CAMK2A: variants seen among roughly 807,000 people sequenced by gnomAD.
CAMK2A encodes calcium/calmodulin dependent protein kinase II alpha.
CAMK2A carries 7 observed loss-of-function variants against 79.2 expected under a neutral mutation model. That is an observed-to-expected ratio of 0.09 (90% confidence interval 0.05 to 0.17). The LOEUF is 0.17. Ranked by LOEUF, CAMK2A falls within the 10% of genes least tolerant of loss-of-function variation. The probability of loss-of-function intolerance (pLI) is 1.00; values close to 1 mark genes in which losing one functional copy is unlikely to be tolerated. For missense variants in CAMK2A, 214 were observed against 646.4 expected (o/e 0.33, Z 7.25); for synonymous variants, 242 against 251.7 (o/e 0.96, Z 0.36).
At chr5:150,225,605 A>C (rs1271258464) in intron 17 of CAMK2A, among the ~76,000 whole-genome samples, 1 of 152,140 alleles carries the variant, frequency 6.6e-6, no homozygotes, top group African/African-American at 2.4e-5. Flanking sequence ...TGGGGATTGT[A>C]AGTTCACACT....
At chr5:150,273,455 G>A (rs1404736800) in intron 1 of CAMK2A, among the ~76,000 whole-genome samples, 2 of 152,198 alleles carry the variant, frequency 1.3e-5, no homozygotes, top group East Asian at 1.9e-4. Context: ...TGTTAGAACC[G>A]TGGAATCCAG....
Position 150,289,677 on chromosome 5 carries a change from G to GC in CAMK2A, c.-53dup. On this transcript the variant is annotated 5_prime_UTR_variant, in exon 1 of 19. Transcript: ENST00000671881. ...TTGGGACTGGGGGACCAGGACTGAG[G>GC]CGCTGCTGCTCTGCTCCCGAACCTA... The GC allele has an allele frequency of 6.8e-7, 1 of 1,474,040 alleles. No individual in the cohort carries two copies. Among genetic ancestry groups the GC allele is most frequent in the South Asian group, 1.1e-5 (1 of 87,864 alleles). The allele number at this position is 1,474,040 out of a possible 1,614,324, so 91.3% of individuals were successfully genotyped here.
intron 7 of CAMK2A, among the ~76,000 whole-genome samples, chr5:150,253,243 C>A (rs1281225895): frequency 6.6e-6 from 1 of 152,174 alleles, no homozygotes; most frequent in Admixed American, 6.5e-5. Context: ...CCGTAGGGTC[C>A]CATGCCTGAA....
chr5:150,276,969 C>T (rs577155331), intron 1 of CAMK2A, among the ~76,000 whole-genome samples: 1 of 152,302 alleles, frequency 6.6e-6, no homozygotes, highest in East Asian at 1.9e-4. Context: ...ATGGCTCACG[C>T]CCGCAATCCC....
chr5:150,249,017 C>T (rs1755708345), intron 11 of CAMK2A, among the ~76,000 whole-genome samples: 1 of 152,204 alleles, frequency 6.6e-6, no homozygotes, highest in Non-Finnish European at 1.5e-5. Context: ...TCCTCTGTGA[C>T]ACAGCTTCCA....
intron 13 of CAMK2A, among the ~76,000 whole-genome samples, chr5:150,240,768 C>T (rs144274448): frequency 2.8e-3 from 426 of 152,320 alleles, no homozygotes; most frequent in Non-Finnish European, 4.7e-3. Flanking sequence ...CCAGGCCCTG[C>T]GTTCAGGCTC....
At chr5:150,253,032 T>C (rs1024542527) in intron 7 of CAMK2A, among the ~76,000 whole-genome samples, 1 of 152,242 alleles carries the variant, frequency 6.6e-6, no homozygotes, top group East Asian at 1.9e-4. Context: ...TTTTAAACTT[T>C]CTTGACCTTC....
At chr5:150,225,288 A>C (rs746790682) in intron 17 of CAMK2A, among the ~76,000 whole-genome samples, 3 of 152,116 alleles carry the variant, frequency 2.0e-5, no homozygotes, top group Non-Finnish European at 4.4e-5. Context: ...GTGTCTTTTG[A>C]AAAGATAGGT....
At chr5:150,270,382 A>G (rs1482203273) in intron 2 of CAMK2A, among the ~76,000 whole-genome samples, 1 of 152,202 alleles carries the variant, frequency 6.6e-6, no homozygotes, top group Non-Finnish European at 1.5e-5. Context: ...TACTACGAAC[A>G]TTTTTTAAAA....
intron 15 of CAMK2A, among the ~76,000 whole-genome samples, chr5:150,234,141 T>C (rs767615275): frequency 6.6e-6 from 1 of 152,166 alleles, no homozygotes; most frequent in Non-Finnish European, 1.5e-5. Context: ...CACTCCCACA[T>C]GGAATCAGGG....
intron 1 of CAMK2A, among the ~76,000 whole-genome samples, chr5:150,287,337 A>G (rs537026086): frequency 3.3e-4 from 50 of 152,312 alleles, no homozygotes; most frequent in Middle Eastern, 3.4e-3. Flanking sequence ...TTAGACTTTC[A>G]TCAGATTCCT....
chr5:150,248,177 C>T (rs1344007385), intron 11 of CAMK2A, among the ~76,000 whole-genome samples: 1 of 152,100 alleles, frequency 6.6e-6, no homozygotes, highest in Non-Finnish European at 1.5e-5. Flanking sequence ...CAACAGCAGA[C>T]CTCGTGTCCC....
At chr5:150,282,640 G>A (rs1439982979) in intron 1 of CAMK2A, among the ~76,000 whole-genome samples, 3 of 152,226 alleles carry the variant, frequency 2.0e-5, no homozygotes, top group Admixed American at 6.5e-5. Context: ...CATGGGCAAC[G>A]CCCTCACCCT....
rs765165346 is a variant in CAMK2A at position 150,245,189 on chromosome 5, C to T, written c.956G>A (p.Gly319Glu). Residue 319 changes from glycine to glutamate, a missense_variant, in exon 13 of 19, where the codon GGG becomes GAG. Gly to Glu is a moderately conservative substitution (Grantham distance 98). This residue lies in a region of CAMK2A where 123 missense variants were observed against 242.4 expected (regional missense o/e 0.51). Transcript: ENST00000671881. ...CACACCATCGCTCTTCTTGTTTCCC[C>T]CACTCTTCCCTCCTGTGGAGGAGAA... ...ATRNFSGGKS[G>E]GNKKSDGVKK... The T allele has an allele frequency of 2.5e-6, 4 of 1,614,096 alleles. No individual in the cohort carries two copies. The highest frequency in any genetic ancestry group is 3.4e-6 in the Non-Finnish European group (4 of 1,179,980).
chr5:150,257,539 A>G, intron 4 of CAMK2A, 24 bp downstream of exon 4: 1 of 1,557,566 alleles, frequency 6.4e-7, no homozygotes, highest in Non-Finnish European at 8.7e-7. Flanking sequence ...CCGTTGGCGC[A>G]TCCCAGGGCG....
chr5:150,251,277 G>C (rs189938113), intron 9 of CAMK2A, among the ~76,000 whole-genome samples: 1 of 152,194 alleles, frequency 6.6e-6, no homozygotes, highest in Non-Finnish European at 1.5e-5. Context: ...ATGGATGGTA[G>C]AGCCAGACTG....
At chr5:150,269,282 G>A (rs1235180322) in intron 2 of CAMK2A, among the ~76,000 whole-genome samples, 2 of 152,186 alleles carry the variant, frequency 1.3e-5, no homozygotes, top group Admixed American at 6.5e-5. Context: ...GCATGGCAAG[G>A]CTCAGCAGAG....
At chr5:150,247,386 G>A (rs572661753) in intron 12 of CAMK2A, among the ~76,000 whole-genome samples, 1 of 152,324 alleles carries the variant, frequency 6.6e-6, no homozygotes, top group Non-Finnish European at 1.5e-5. Context: ...TGGAAGCACG[G>A]GACTGCTTAG....
rs140215796 is a variant in CAMK2A, at chr5:150,234,413, T to G, written c.1067-3033A>C. On this transcript the variant is annotated intron_variant, in intron 15 of 18. Transcript: ENST00000671881. ...TAGCTGTTCCCTTGGACAAGGGAACTTCCAGTGCCTCAGTTTCCCTATATG... is the reference window on the plus strand; with the variant it reads ...TAGCTGTTCCCTTGGACAAGGGAACGTCCAGTGCCTCAGTTTCCCTATATG... Among the ~76,000 whole-genome samples, 562 of 152,298 alleles carry G rather than the reference T, an allele frequency of 3.7e-3. 1 individual carries two copies. The highest frequency in any genetic ancestry group is 0.013 in the African/African-American group (529 of 41,562).
Sources: allele counts gnomAD v4.1 joint callset (sites outside exome capture counted in the v4.1 genomes callset), GRCh38; gene constraint gnomAD v4.1.1; regional missense constraint gnomAD v4.1.1; transcripts MANE v1.5; gene names NCBI Gene and HGNC (gene_info 2026-07-23, HGNC 2026-07-21).